CCDC181: variants seen among roughly 807,000 people sequenced by gnomAD.
The protein encoded by CCDC181 is coiled-coil domain-containing protein 181.
In CCDC181, 35 loss-of-function variants were observed where a neutral mutation model predicts 58.7. The ratio of observed to expected loss-of-function variants is 0.60; its 90% CI spans 0.46 to 0.79. The LOEUF (loss-of-function observed/expected upper bound fraction) is 0.79. Among genes scored for constraint, CCDC181 ranks in the 30% least tolerant of loss-of-function variants. The pLI is 0.00. For synonymous variants in CCDC181, 183 were observed against 197.5 expected (o/e 0.93, Z 0.62); for missense variants, 517 against 583.9 (o/e 0.89, Z 1.18).
intron 4 of CCDC181, among the ~76,000 whole-genome samples, chr1:169,408,292 G>T (rs1254808339): frequency 2.0e-5 from 3 of 152,232 alleles, no homozygotes; most frequent in African/African-American, 7.2e-5. Flanking sequence ...CAGCCAGGAA[G>T]TTGGAACTGG....
At chr1:169,442,976 A>T (rs1271080703) in intron 2 of CCDC181, 1 of 152,000 alleles carries the variant, frequency 6.6e-6, no homozygotes, top group Non-Finnish European at 1.5e-5. Context: ...ATCTACCTAT[A>T]TACAAATATA....
chr1:169,395,757 C>T (rs1340811178), intron 5 of CCDC181: 1 of 152,012 alleles, frequency 6.6e-6, no homozygotes, highest in African/African-American at 2.4e-5. Context: ...AAGTCTTAAA[C>T]CTTGTTTAAA....
chr1:169,418,468 G>GGA (rs1399264557), intron 4 of CCDC181, among the ~76,000 whole-genome samples: 11 of 151,686 alleles, frequency 7.3e-5, no homozygotes, highest in African/African-American at 2.2e-4. Context: ...TGAGCCTGGA[G>GGA]GAGCTTAGGG....
chr1:169,407,825 G>C (rs1008974930), intron 4 of CCDC181, among the ~76,000 whole-genome samples: 18 of 152,274 alleles, frequency 1.2e-4, no homozygotes, highest in African/African-American at 4.3e-4. Context: ...GAAGCTCAAG[G>C]GGTCAGGGAA....
chr1:169,423,364 A>G (rs1440354738), intron 2 of CCDC181, among the ~76,000 whole-genome samples: 5 of 151,774 alleles, frequency 3.3e-5, no homozygotes, highest in African/African-American at 9.7e-5. Flanking sequence ...TATTTTTCCA[A>G]TATCATGAGG....
intron 2 of CCDC181, among the ~76,000 whole-genome samples, chr1:169,451,626 T>C (rs536920337): frequency 6.6e-6 from 1 of 152,136 alleles, no homozygotes; most frequent in South Asian, 2.1e-4. Context: ...TAGTTCTGTT[T>C]CAGACTCTAC....
chr1:169,446,299 C>G (rs375727205), intron 2 of CCDC181, among the ~76,000 whole-genome samples: 217 of 152,162 alleles, frequency 1.4e-3, no homozygotes, highest in African/African-American at 4.9e-3. Context: ...CAAAAATTAG[C>G]TGGGCATGGT....
At chr1:169,413,875 G>T (rs868713710) in intron 4 of CCDC181, among the ~76,000 whole-genome samples, 5 of 152,014 alleles carry the variant, frequency 3.3e-5, no homozygotes, top group Non-Finnish European at 5.9e-5. Context: ...GTCGGAGGGT[G>T]GGGGGCTAGG....
intron 5 of CCDC181, among the ~76,000 whole-genome samples, chr1:169,396,745 G>T (rs908251371): frequency 1.3e-5 from 2 of 152,094 alleles, no homozygotes. Context: ...TATCAGGTTT[G>T]CCTTAAATTA....
At chr1:169,451,094 T>C (rs1657523663) in intron 2 of CCDC181, 1 of 151,874 alleles carries the variant, frequency 6.6e-6, no homozygotes, top group Non-Finnish European at 1.5e-5. Flanking sequence ...GCAGAATGAG[T>C]GGGGGAACAT....
At chr1:169,404,892 A>G (rs935743121) in intron 4 of CCDC181, among the ~76,000 whole-genome samples, 21 of 152,360 alleles carry the variant, frequency 1.4e-4, no homozygotes, top group Non-Finnish European at 1.6e-4. Context: ...AGATGACATG[A>G]TTGTATATTT....
Position 169,421,657 on chromosome 1 carries a change from T to G in CCDC181, c.774A>C (p.Arg258Ser). 2 of 1,614,128 alleles carry G rather than the reference T, an allele frequency of 1.2e-6. No homozygotes were observed. The highest frequency in any genetic ancestry group is 1.7e-6 in the Non-Finnish European group (2 of 1,180,016). Residue 258 changes from arginine (R) to serine (S), a missense_variant, in exon 3 of 6, where the codon AGA becomes AGC. Coordinates refer to ENST00000367806, the MANE Select transcript of CCDC181 (RefSeq NM_001300969.2). ...TGCCACTGACAGAGGAGTTGGAAGATCTGGGTAACAACTGCTGAGGGTCAT... is the reference window on the plus strand; with the variant it reads ...TGCCACTGACAGAGGAGTTGGAAGAGCTGGGTAACAACTGCTGAGGGTCAT... ...TENDPQQLLP[R>S]SSNSSVSGTK...
chr1:169,404,548 A>G (rs914760411), intron 4 of CCDC181, among the ~76,000 whole-genome samples: 3 of 152,256 alleles, frequency 2.0e-5, no homozygotes, highest in African/African-American at 7.2e-5. Context: ...AAACAGAACC[A>G]AAGACAAAAA....
intron 2 of CCDC181, among the ~76,000 whole-genome samples, chr1:169,440,375 G>A (rs1373536956): frequency 2.6e-5 from 4 of 152,246 alleles, no homozygotes; most frequent in Non-Finnish European, 4.4e-5. Context: ...TGCCTAGACA[G>A]AGCCTGATTT....
intron 3 of CCDC181, 103 bp downstream of exon 3, chr1:169,421,260 A>G (rs1656439903): frequency 1.2e-6 from 1 of 862,676 alleles, no homozygotes; most frequent in Admixed American, 2.9e-5. Context: ...AAAGCAATCA[A>G]AAAAAGTCTC....
At chr1:169,423,425 T>TAGAA (rs1656574158) in intron 2 of CCDC181, among the ~76,000 whole-genome samples, 1 of 84,322 alleles carries the variant, frequency 1.2e-5, no homozygotes, top group African/African-American at 4.1e-5. Context: ...AACTCTCCTT[T>TAGAA]AGCTTTTCTT....
rs568916253 is a variant in CCDC181 at position 169,422,164 on chromosome 1, A to C, written c.267T>G (p.Ile89Met). 6.2e-7 allele frequency: 1 copy of C among 1,613,756 alleles called. No individual in the cohort carries two copies. The highest frequency in any genetic ancestry group is 1.3e-5 in the African/African-American group (1 of 75,014). ...RRNDIISVPG[I>M]QPLDPISDSD... ...AATCTGATATGGGATCCAAAGGTTG[A>C]ATACCTGGTACAGAAATGATGTCAT... is the stretch of plus-strand genomic sequence containing the variant. The change falls in exon 3 of 6, where the codon ATT becomes ATG. Residue 89 changes from isoleucine to methionine, a missense_variant. Transcript: ENST00000367806.
At position 169,427,470 on chromosome 1, in the gene CCDC181, A is replaced by G. The variant is rs771591502; in HGVS notation, c.-206T>C. 1 of 152,298 alleles carries G rather than the reference A, an allele frequency of 6.6e-6. No individual in the cohort carries two copies. The highest frequency in any genetic ancestry group is 6.5e-5 in the Admixed American group (1 of 15,286). 9.4% of individuals were successfully genotyped at this position (152,298 alleles called of 1,614,324 possible). ...CTCCATCCGGGCCTCTCTAACTACGAGAGCGACAAAAATCTGCGCAGGCGC... is the reference window on the plus strand; with the variant it reads ...CTCCATCCGGGCCTCTCTAACTACGGGAGCGACAAAAATCTGCGCAGGCGC... On this transcript the variant is annotated 5_prime_UTR_variant, in exon 1 of 6. Transcript: ENST00000367806.
chr1:169,415,113 C>A (rs761470925), intron 4 of CCDC181, among the ~76,000 whole-genome samples: 1 of 152,162 alleles, frequency 6.6e-6, no homozygotes, highest in Non-Finnish European at 1.5e-5. Flanking sequence ...TTACTATGTA[C>A]AAATACAGCA....
Sources: gnomAD v4.1 joint callset for allele counts (sites outside exome capture counted in the v4.1 genomes callset) on GRCh38, gnomAD v4.1.1 for gene constraint, MANE v1.5 for transcripts, NCBI Gene and HGNC (gene_info 2026-07-23, HGNC 2026-07-21) for gene names.